Variants in ZNRF2 observed in about 807,000 individuals in gnomAD.
The protein encoded by ZNRF2 is E3 ubiquitin-protein ligase ZNRF2.
ZNRF2 carries 16 observed loss-of-function variants against 20.4 expected under a neutral mutation model. The ratio of observed to expected loss-of-function variants is 0.79; its 90% CI spans 0.53 to 1.19. The LOEUF is 1.19. Among genes scored for constraint, ZNRF2 ranks in the 50% most tolerant of loss-of-function variants. The pLI is 0.00. For synonymous variants in ZNRF2, 178 were observed against 144.9 expected (o/e 1.23, Z -1.64); for missense variants, 363 against 332.4 (o/e 1.09, Z -0.72).
rs1179777918 is a variant in ZNRF2, at chr7:30,284,793, T to G, written c.-565T>G. ...CGCCACCTCTCCCTCCCATTTTTCG[T>G]TCTCCCCTCGCGCGCCACCCGTTTT... On this transcript the variant is annotated 5_prime_UTR_variant, in exon 1 of 5. Coordinates refer to ENST00000323037, the MANE Select transcript of ZNRF2 (RefSeq NM_147128.4). The G allele has an allele frequency of 1.6e-5, 3 of 183,424 alleles. No homozygotes were observed. In the South Asian group the frequency reaches 1.9e-4, roughly 12 times the overall value. 11.4% of individuals were successfully genotyped at this position (183,424 alleles called of 1,614,324 possible). A position where few individuals can be genotyped will look rare whatever the true frequency, so the allele number is the denominator to read the frequency against.
intron 1 of ZNRF2, among the ~76,000 whole-genome samples, chr7:30,318,928 A>G (rs1338302604): frequency 1.3e-5 from 2 of 152,100 alleles, no homozygotes; most frequent in Non-Finnish European, 2.9e-5. Flanking sequence ...CCTGGCCAAC[A>G]TGGCAAAACC....
intron 2 of ZNRF2, among the ~76,000 whole-genome samples, chr7:30,351,057 G>A (rs913896445): frequency 5.7e-5 from 8 of 140,668 alleles, no homozygotes; most frequent in Middle Eastern, 3.7e-3. Flanking sequence ...TTTCCATGTC[G>A]TCTTGATCTG....
At chr7:30,317,174 TA>T (rs1213180859) in intron 1 of ZNRF2, among the ~76,000 whole-genome samples, 1 of 152,236 alleles carries the variant, frequency 6.6e-6, no homozygotes, top group Non-Finnish European at 1.5e-5. Context: ...GCCAACTGTA[TA>T]GTTCATTTCC....
chr7:30,304,925 TTAAA>T (rs760744101), intron 1 of ZNRF2, among the ~76,000 whole-genome samples: 5 of 152,232 alleles, frequency 3.3e-5, no homozygotes, highest in Non-Finnish European at 7.3e-5. Flanking sequence ...AAGCCAGATG[TTAAA>T]TATAACCATC....
chr7:30,305,378 A>C (rs1172729089), intron 1 of ZNRF2, among the ~76,000 whole-genome samples: 2 of 152,180 alleles, frequency 1.3e-5, no homozygotes, highest in South Asian at 4.1e-4. Context: ...AGGTAACTAT[A>C]CTAGTTTTAC....
At chr7:30,302,749 T>C (rs1310706460) in intron 1 of ZNRF2, among the ~76,000 whole-genome samples, 1 of 152,206 alleles carries the variant, frequency 6.6e-6, no homozygotes, top group South Asian at 2.1e-4. Context: ...TCATCACTGC[T>C]ACTCTTTAAT....
At chr7:30,331,917 A>G (rs1472305146) in intron 2 of ZNRF2, among the ~76,000 whole-genome samples, 2 of 152,198 alleles carry the variant, frequency 1.3e-5, no homozygotes, top group Non-Finnish European at 2.9e-5. Context: ...TGGATCAGAA[A>G]TGGTCATATA....
intron 4 of ZNRF2, among the ~76,000 whole-genome samples, chr7:30,363,407 TAAGAAACTTGAC>T (rs943817392): frequency 6.6e-6 from 1 of 152,238 alleles, no homozygotes; most frequent in African/African-American, 2.4e-5. Flanking sequence ...ATAGAGAGGT[TAAGAAACTTGAC>T]TTTTCAAGTT....
intron 1 of ZNRF2, among the ~76,000 whole-genome samples, chr7:30,313,838 C>T (rs1451311312): frequency 2.0e-5 from 3 of 152,162 alleles, no homozygotes; most frequent in Non-Finnish European, 2.9e-5. Flanking sequence ...GTGGCCATTT[C>T]GAGGTTCCCT....
intron 1 of ZNRF2, among the ~76,000 whole-genome samples, chr7:30,315,878 G>T (rs1244878923): frequency 6.6e-6 from 1 of 151,882 alleles, no homozygotes; most frequent in Non-Finnish European, 1.5e-5. Context: ...GAGTGATAGT[G>T]TGTGTCATGA....
At position 30,366,617 on chromosome 7, in the gene ZNRF2, A is replaced by AT. The variant is rs1683236275; in HGVS notation, c.*605_*606insT. ...TCCATTTTCTCCCCCACGAGTGGAA[A>AT]ATAGACTTCTACATAGGAAAGCTAA... On this transcript the variant is annotated 3_prime_UTR_variant, in exon 5 of 5. Transcript: ENST00000323037. 1.3e-5 allele frequency: 2 copies of AT among 152,562 alleles called. No homozygotes were observed. The highest frequency in any genetic ancestry group is 2.9e-5 in the Non-Finnish European group (2 of 67,982). 9.5% of individuals were successfully genotyped at this position (152,562 alleles called of 1,614,324 possible).
intron 1 of ZNRF2, among the ~76,000 whole-genome samples, chr7:30,309,355 G>A (rs1799255762): frequency 6.6e-6 from 1 of 152,138 alleles, no homozygotes; most frequent in South Asian, 2.1e-4. Flanking sequence ...ATAAGAATGT[G>A]TTTAGAGTGC....
intron 1 of ZNRF2, among the ~76,000 whole-genome samples, chr7:30,286,146 C>G (rs1258714705): frequency 6.6e-6 from 1 of 152,188 alleles, no homozygotes; most frequent in African/African-American, 2.4e-5. Flanking sequence ...CGAAACAGCC[C>G]TTGTGGTTGT....
chr7:30,349,230 T>C (rs1350218982), intron 2 of ZNRF2, among the ~76,000 whole-genome samples: 1 of 152,188 alleles, frequency 6.6e-6, no homozygotes, highest in Non-Finnish European at 1.5e-5. Flanking sequence ...ATTTATTTTA[T>C]GAAAATGAGG....
intron 1 of ZNRF2, among the ~76,000 whole-genome samples, chr7:30,321,198 G>A (rs930905798): frequency 6.6e-6 from 1 of 152,082 alleles, no homozygotes; most frequent in Admixed American, 6.6e-5. Context: ...TTGGCTGTAT[G>A]TAATGGATTG....
At chr7:30,348,855 A>G (rs1346949238) in intron 2 of ZNRF2, among the ~76,000 whole-genome samples, 3 of 152,228 alleles carry the variant, frequency 2.0e-5, no homozygotes, top group Admixed American at 6.5e-5. Flanking sequence ...TCAGCCTGCT[A>G]ATTATCTCAT....
chr7:30,309,028 G>A (rs1308018470), intron 1 of ZNRF2, among the ~76,000 whole-genome samples: 3 of 152,024 alleles, frequency 2.0e-5, no homozygotes, highest in Non-Finnish European at 4.4e-5. Context: ...TCCTAAATAT[G>A]ATGTCTTCAC....
chr7:30,309,686 G>A (rs1445743000), intron 1 of ZNRF2, among the ~76,000 whole-genome samples: 1 of 152,196 alleles, frequency 6.6e-6, no homozygotes, highest in African/African-American at 2.4e-5. Flanking sequence ...AAGAAGGAAA[G>A]TACAGGAAAC....
chr7:30,300,708 GGA>G (rs1276214657), intron 1 of ZNRF2, among the ~76,000 whole-genome samples: 6 of 152,146 alleles, frequency 3.9e-5, no homozygotes, highest in Non-Finnish European at 7.4e-5. Flanking sequence ...TTTATTTTTA[GGA>G]TCATTGTTTC....
Sources: gnomAD v4.1 joint callset for allele counts (sites outside exome capture counted in the v4.1 genomes callset) on GRCh38, gnomAD v4.1.1 for gene constraint, MANE v1.5 for transcripts, NCBI Gene and HGNC (gene_info 2026-07-23, HGNC 2026-07-21) for gene names.